Variants in RPS6KA2 observed in about 807,000 individuals in gnomAD.
RPS6KA2 encodes the protein ribosomal protein S6 kinase alpha-2.
A neutral mutation model predicts 91.8 loss-of-function variants in RPS6KA2; 42 were observed. The ratio of observed to expected loss-of-function variants is 0.46; its 90% CI spans 0.36 to 0.59. The LOEUF (loss-of-function observed/expected upper bound fraction) is 0.59, where lower values mean the gene tolerates loss of function less well. Ranked by LOEUF, RPS6KA2 falls within the 20% of genes least tolerant of loss-of-function variation. RPS6KA2 has a pLI of 0.00. For synonymous variants in RPS6KA2, 414 were observed against 393.6 expected (o/e 1.05, Z -0.61); for missense variants, 798 against 978.5 (o/e 0.82, Z 2.46).
chr6:166,463,552 G>T (rs566033047), intron 11 of RPS6KA2: 3 of 152,308 alleles, frequency 2.0e-5, no homozygotes, highest in African/African-American at 7.2e-5. Context: ...AGGAAGCCCG[G>T]AGCAGGCCCA....
intron 1 of RPS6KA2, among the ~76,000 whole-genome samples, chr6:166,579,177 T>G (rs181161795): frequency 1.3e-5 from 2 of 152,386 alleles, no homozygotes; most frequent in East Asian, 3.8e-4. Context: ...TATCCGTTTA[T>G]GCTGTTTAGA....
chr6:166,512,232 T>C (rs558738905), intron 3 of RPS6KA2, among the ~76,000 whole-genome samples: 1 of 152,130 alleles, frequency 6.6e-6, no homozygotes, highest in Non-Finnish European at 1.5e-5. Context: ...AGGACAACTA[T>C]TGTAGGATCC....
intron 3 of RPS6KA2, among the ~76,000 whole-genome samples, chr6:166,514,792 C>T (rs1475196453): frequency 6.6e-6 from 1 of 152,146 alleles, no homozygotes; most frequent in South Asian, 2.1e-4. Context: ...AGAACTGAGA[C>T]CTCAGGACCT....
chr6:166,805,896 G>A (rs1238054943), intron 2 of RPS6KA2, among the ~76,000 whole-genome samples: 1 of 152,014 alleles, frequency 6.6e-6, no homozygotes, highest in Non-Finnish European at 1.5e-5. Context: ...TGAACAAAAT[G>A]AAAATATTAA....
At chr6:166,796,459 C>T (rs546048643) in intron 2 of RPS6KA2, among the ~76,000 whole-genome samples, 77 of 152,246 alleles carry the variant, frequency 5.1e-4, no homozygotes, top group African/African-American at 1.8e-3. Flanking sequence ...TGTGGTGGCA[C>T]GCACCTGTAA....
intron 2 of RPS6KA2, among the ~76,000 whole-genome samples, chr6:166,669,509 T>C (rs1466669608): frequency 6.6e-6 from 1 of 152,104 alleles, no homozygotes; most frequent in African/African-American, 2.4e-5. Context: ...CAGGTCCTAC[T>C]GCGTTTTCAT....
At chr6:166,804,147 C>A (rs1779435032) in intron 2 of RPS6KA2, among the ~76,000 whole-genome samples, 1 of 148,536 alleles carries the variant, frequency 6.7e-6, no homozygotes, top group African/African-American at 2.5e-5. Context: ...ATAATTATAA[C>A]TGGAATAATA....
At chr6:166,653,070 G>C (rs1275444331) in intron 2 of RPS6KA2, among the ~76,000 whole-genome samples, 9 of 152,190 alleles carry the variant, frequency 5.9e-5, no homozygotes, top group Non-Finnish European at 4.4e-5. Context: ...ATGATTTTCT[G>C]TTGTTGTTCA....
intron 2 of RPS6KA2, among the ~76,000 whole-genome samples, chr6:166,857,581 C>T (rs1048946055): frequency 3.9e-5 from 6 of 152,220 alleles, no homozygotes; most frequent in African/African-American, 7.2e-5. Flanking sequence ...GGATCAGGCC[C>T]ATGCTCCTGC....
At position 166,705,022 on chromosome 6, in the gene RPS6KA2, G is replaced by A. The variant is rs536884270; in HGVS notation, c.123+153178C>T. 2.6e-5 allele frequency among the ~76,000 whole-genome samples: 4 copies of A among 152,294 alleles called. 1 individual carries two copies. The highest frequency in any genetic ancestry group is 2.6e-4 in the Admixed American group (4 of 15,298). Reference sequence around the variant, plus strand: ...CAGCACCATATTTTCTCAAAGCCTTGCTCTCTGCAGTGGGTGATTTTGCAC... The same window carrying A: ...CAGCACCATATTTTCTCAAAGCCTTACTCTCTGCAGTGGGTGATTTTGCAC... On this transcript the variant is annotated intron_variant, in intron 2 of 21. Coordinates refer to the RPS6KA2 transcript ENST00000503859.
Position 166,817,763 on chromosome 6 carries a change from C to G in RPS6KA2, c.123+40437G>C, listed in dbSNP as rs139110740. 1.7e-3 allele frequency among the ~76,000 whole-genome samples: 251 copies of G among 151,406 alleles called. 2 individuals are homozygous for G. The highest frequency in any genetic ancestry group is 3.3e-3 in the Non-Finnish European group (225 of 67,906). ...TTTGAGATGGAGTCTCGCTCTGTCA[C>G]CCAGGCTGGAGTGCAGTGGTGCGAT... On this transcript the variant is annotated intron_variant, in intron 2 of 21. Transcript: ENST00000503859.
chr6:166,813,109 G>A (rs1350467909), intron 2 of RPS6KA2, among the ~76,000 whole-genome samples: 3 of 152,024 alleles, frequency 2.0e-5, no homozygotes, highest in Non-Finnish European at 4.4e-5. Flanking sequence ...CCAGACCACC[G>A]CTCCCTGGAG....
intron 2 of RPS6KA2, among the ~76,000 whole-genome samples, chr6:166,745,096 C>A (rs536206245): frequency 1.2e-4 from 18 of 151,650 alleles, no homozygotes; most frequent in Admixed American, 5.2e-4. Context: ...CAGTGTCCTT[C>A]CCCCTGTCCT....
chr6:166,703,602 A>G (rs1455079605), intron 2 of RPS6KA2, among the ~76,000 whole-genome samples: 1 of 152,256 alleles, frequency 6.6e-6, no homozygotes, highest in African/African-American at 2.4e-5. Context: ...CTTAGTCTGC[A>G]TCATTAAAAA....
chr6:166,668,454 C>T (rs1386046757), intron 2 of RPS6KA2, among the ~76,000 whole-genome samples: 1 of 152,104 alleles, frequency 6.6e-6, no homozygotes, highest in Non-Finnish European at 1.5e-5. Flanking sequence ...CGACTCAGGG[C>T]CAATCAGGAG....
At chr6:166,788,971 G>C (rs1192957621) in intron 2 of RPS6KA2, among the ~76,000 whole-genome samples, 1 of 152,190 alleles carries the variant, frequency 6.6e-6, no homozygotes, top group Non-Finnish European at 1.5e-5. Context: ...TCCATCTGAG[G>C]TACCAGGTTC....
intron 12 of RPS6KA2, among the ~76,000 whole-genome samples, chr6:166,454,182 G>T (rs768926296): frequency 6.6e-5 from 10 of 152,188 alleles, no homozygotes; most frequent in Admixed American, 1.3e-4. Flanking sequence ...AACTACATCT[G>T]TACCTCTGAA....
At chr6:166,756,304 A>C (rs775415676) in intron 2 of RPS6KA2, among the ~76,000 whole-genome samples, 2 of 152,134 alleles carry the variant, frequency 1.3e-5, no homozygotes, top group Non-Finnish European at 2.9e-5. Context: ...AAAAACCAAA[A>C]ACAAAATGTG....
intron 14 of RPS6KA2, among the ~76,000 whole-genome samples, chr6:166,438,634 T>C (rs1055379819): frequency 2.0e-5 from 3 of 152,250 alleles, no homozygotes. Context: ...CTTCTTCTCC[T>C]GCACGAGCTT....
Sources: allele counts gnomAD v4.1 joint callset (sites outside exome capture counted in the v4.1 genomes callset), GRCh38; gene constraint gnomAD v4.1.1; transcripts MANE v1.5; gene names NCBI Gene and HGNC (gene_info 2026-07-23, HGNC 2026-07-21).